The following AOPEP variants were observed in gnomAD, a reference collection of about 807,000 sequenced individuals.
AOPEP encodes the protein aminopeptidase O (putative), also known as aminopeptidase O.
In AOPEP, 77 loss-of-function variants were observed where a neutral mutation model predicts 98.1. The ratio of observed to expected loss-of-function variants is 0.78; its 90% CI spans 0.65 to 0.95. The LOEUF is 0.95. Among genes scored for constraint, AOPEP ranks in the 40% least tolerant of loss-of-function variants. The pLI, the probability that AOPEP is intolerant of heterozygous loss-of-function variation, is 0.00. For synonymous variants in AOPEP, 346 were observed against 365.3 expected (o/e 0.95, Z 0.60); for missense variants, 1,024 against 1,024.7 (o/e 1.00, Z 0.01).
intron 11 of AOPEP, among the ~76,000 whole-genome samples, chr9:95,001,540 A>G (rs1589222429): frequency 6.6e-6 from 1 of 152,156 alleles, no homozygotes; most frequent in South Asian, 2.1e-4. Context: ...TCTACACCCT[A>G]CCTTCATTGG....
intron 3 of AOPEP, among the ~76,000 whole-genome samples, chr9:94,787,331 T>C (rs754285874): frequency 1.3e-5 from 2 of 152,222 alleles, no homozygotes; most frequent in Non-Finnish European, 2.9e-5. Context: ...GGTGCTGGGT[T>C]GTGATGGGAT....
chr9:94,765,469 TA>T (rs1839377154), intron 2 of AOPEP, among the ~76,000 whole-genome samples: 6 of 146,982 alleles, frequency 4.1e-5, no homozygotes, highest in Non-Finnish European at 7.5e-5. Context: ...ATAATAATAA[TA>T]ATAATAATAA....
intron 13 of AOPEP, among the ~76,000 whole-genome samples, chr9:95,009,195 G>A (rs1589249320): frequency 1.3e-5 from 2 of 151,988 alleles, no homozygotes; most frequent in Non-Finnish European, 2.9e-5. Context: ...TTTTGGAAGA[G>A]GAATGCACTT....
At chr9:95,081,171 C>A (rs1005863215) in intron 15 of AOPEP, among the ~76,000 whole-genome samples, 1 of 152,202 alleles carries the variant, frequency 6.6e-6, no homozygotes, top group Non-Finnish European at 1.5e-5. Context: ...GGGACAGTCT[C>A]GGTCTGTACC....
At chr9:94,801,765 C>T (rs569017923) in intron 5 of AOPEP, among the ~76,000 whole-genome samples, 1 of 152,090 alleles carries the variant, frequency 6.6e-6, no homozygotes, top group Non-Finnish European at 1.5e-5. Flanking sequence ...TAATCATTAG[C>T]AGTGAATATG....
At chr9:95,125,056 T>C in the AOPEP span, 2 of 1,566,244 alleles carry the variant, frequency 1.3e-6, no homozygotes, top group Non-Finnish European at 1.8e-6. Flanking sequence ...TTCTCTGGGA[T>C]GAATGAGTAA....
At chr9:94,988,381 A>G (rs1209313603) in intron 11 of AOPEP, among the ~76,000 whole-genome samples, 1 of 152,154 alleles carries the variant, frequency 6.6e-6, no homozygotes, top group East Asian at 1.9e-4. Context: ...TTCAGTGAGC[A>G]CAGAGGAAGG....
intron 15 of AOPEP, among the ~76,000 whole-genome samples, chr9:95,082,217 C>T (rs963639645): frequency 6.6e-6 from 1 of 152,176 alleles, no homozygotes; most frequent in East Asian, 1.9e-4. Context: ...TCTGTAATGC[C>T]ACACAGGCTC....
rs2138356423 is a variant in AOPEP at position 94,967,940 on chromosome 9, G to A, written c.1916+139G>A. 5.6e-6 allele frequency: 4 copies of A among 713,014 alleles called. No individual in the cohort carries two copies. The Admixed American group carries it at 6.8e-5, about 12-fold the overall frequency. 44.2% of individuals were successfully genotyped at this position (713,014 alleles called of 1,614,324 possible). A position where few individuals can be genotyped will look rare whatever the true frequency, so the allele number is the denominator to read the frequency against. ...AGGCAAGGACCTAGTTCTGCCAGTG[G>A]GAGTACAGGATCATCAGCCAACCTT... On this transcript the variant is annotated intron_variant, in intron 10 of 16. Transcript: ENST00000375315.
chr9:95,001,740 C>T (rs186231055), intron 11 of AOPEP, among the ~76,000 whole-genome samples: 1 of 152,018 alleles, frequency 6.6e-6, no homozygotes, highest in East Asian at 1.9e-4. Flanking sequence ...GAATTAGGAA[C>T]CTTTCTCATT....
chr9:95,101,507 G>T, the AOPEP span: 1 of 657,056 alleles, frequency 1.5e-6, no homozygotes, highest in Non-Finnish European at 2.6e-6. Context: ...GAACATGTCT[G>T]ACTGAGTCTG....
At chr9:94,971,285 T>C (rs2059520270) in intron 10 of AOPEP, among the ~76,000 whole-genome samples, 1 of 152,192 alleles carries the variant, frequency 6.6e-6, no homozygotes, top group South Asian at 2.1e-4. Context: ...GTTAGGATCG[T>C]GTTTTGTCTA....
chr9:94,811,892 A>C (rs1401109805), intron 5 of AOPEP, among the ~76,000 whole-genome samples: 2 of 152,234 alleles, frequency 1.3e-5, no homozygotes, highest in African/African-American at 4.8e-5. Context: ...CAAAGGCCAC[A>C]CATGCTTGTG....
chr9:95,061,307 G>T (rs914099526), intron 14 of AOPEP, among the ~76,000 whole-genome samples: 1 of 152,240 alleles, frequency 6.6e-6, no homozygotes, highest in Non-Finnish European at 1.5e-5. Context: ...CTACCTTATT[G>T]TGAGGAATGC....
intron 5 of AOPEP, among the ~76,000 whole-genome samples, chr9:94,902,813 T>C (rs2050587194): frequency 6.6e-6 from 1 of 151,766 alleles, no homozygotes; most frequent in Non-Finnish European, 1.5e-5. Flanking sequence ...CCCAGCACTT[T>C]GGGAGGCCGA....
At chr9:95,107,025 CAG>C in the AOPEP span, 1 of 1,603,938 alleles carries the variant, frequency 6.2e-7, no homozygotes, top group Non-Finnish European at 8.5e-7. Context: ...TCGCCTGGAG[CAG>C]AAATGAGTAC....
intron 2 of AOPEP, among the ~76,000 whole-genome samples, chr9:94,772,278 C>T (rs1296745417): frequency 6.6e-6 from 1 of 152,204 alleles, no homozygotes; most frequent in African/African-American, 2.4e-5. Context: ...TCTTTGTCAA[C>T]CATGACTTTA....
intron 7 of AOPEP, among the ~76,000 whole-genome samples, chr9:94,942,974 A>T (rs1413379007): frequency 6.6e-6 from 1 of 151,756 alleles, no homozygotes; most frequent in Non-Finnish European, 1.5e-5. Context: ...TTCAAAACGG[A>T]TCAAAAACCC....
chr9:94,815,626 C>T (rs1851543905), intron 5 of AOPEP, among the ~76,000 whole-genome samples: 2 of 152,256 alleles, frequency 1.3e-5, no homozygotes, highest in South Asian at 4.2e-4. Context: ...GTGAGGACAG[C>T]ATCTGGGTGG....
Sources: allele counts gnomAD v4.1 joint callset (sites outside exome capture counted in the v4.1 genomes callset), GRCh38; gene constraint gnomAD v4.1.1; transcripts MANE v1.5; gene names NCBI Gene and HGNC (gene_info 2026-07-23, HGNC 2026-07-21).